The following TPTE2 variants were observed in gnomAD, a reference collection of about 807,000 sequenced individuals.
TPTE2 encodes transmembrane phosphoinositide 3-phosphatase and tensin homolog 2, also known as phosphatidylinositol 3,4,5-trisphosphate 3-phosphatase TPTE2.
Under a neutral mutation model 78.6 loss-of-function variants are expected in TPTE2, and 53 were observed. The ratio of observed to expected loss-of-function variants is 0.67; its 90% CI spans 0.54 to 0.85. The LOEUF is 0.85. TPTE2 is among the 40% of genes least tolerant of loss of function. The pLI is 0.00. For synonymous variants in TPTE2, 175 were observed against 206.2 expected, an observed-to-expected ratio of 0.85 and a Z score of 1.30; for missense variants, 461 against 623.0, an observed-to-expected ratio of 0.74 and a Z score of 2.77.
At chr13:19,528,697 G>T (rs1482170906) in intron 1 of TPTE2, among the ~76,000 whole-genome samples, 1 of 152,138 alleles carries the variant, frequency 6.6e-6, no homozygotes, top group Non-Finnish European at 1.5e-5. Context: ...CTGAATCATT[G>T]ATATGACTCC....
intron 1 of TPTE2, among the ~76,000 whole-genome samples, chr13:19,515,147 A>G (rs1869713900): frequency 6.6e-6 from 1 of 152,164 alleles, no homozygotes. Flanking sequence ...CCTCAAGGTA[A>G]TACACTCCCA....
rs1878322970 is a variant in TPTE2 at position 19,453,431 on chromosome 13, A to T, written c.742-2206T>A. ...AAAAACAGTCAATATTTGCTTTTTC[A>T]TGGGGAAACAAATATAACTGGACAG... On this transcript the variant is annotated intron_variant, in intron 10 of 19. Coordinates refer to ENST00000400230, the Ensembl canonical transcript of TPTE2. 2.6e-5 allele frequency among the ~76,000 whole-genome samples: 4 copies of T among 151,852 alleles called. 1 individual carries two copies. Among genetic ancestry groups the T allele is most frequent in the Non-Finnish European group, 5.9e-5 (4 of 68,010 alleles).
intron 1 of TPTE2, among the ~76,000 whole-genome samples, chr13:19,531,016 C>T (rs535654895): frequency 6.6e-6 from 1 of 152,262 alleles, no homozygotes; most frequent in Admixed American, 6.5e-5. Context: ...TCTATTCTCC[C>T]CTACCCCTAT....
At chr13:19,479,022 T>A (rs28556858) in intron 4 of TPTE2, among the ~76,000 whole-genome samples, 111,439 of 151,776 alleles carry the variant, frequency 0.73, 43,796 homozygotes, top group East Asian at 0.96. Context: ...GGTGGGGGGA[T>A]TGGGGAGGGA....
chr13:19,448,644 T>TA (rs1467293869), intron 13 of TPTE2, among the ~76,000 whole-genome samples: 1 of 145,286 alleles, frequency 6.9e-6, no homozygotes, highest in Non-Finnish European at 1.5e-5. Flanking sequence ...GGATGGTCAT[T>TA]AACAAAAAGA....
chr13:19,423,941 C>T (rs1178356975), intron 19 of TPTE2, among the ~76,000 whole-genome samples: 2 of 152,244 alleles, frequency 1.3e-5, no homozygotes, highest in African/African-American at 2.4e-5. Context: ...GAAGAAAAAG[C>T]TTATTGTTTG....
At chr13:19,533,921 C>T (rs1186178433) in intron 1 of TPTE2, among the ~76,000 whole-genome samples, 7 of 152,178 alleles carry the variant, frequency 4.6e-5, no homozygotes, top group Non-Finnish European at 8.8e-5. Context: ...AAGCTAACTG[C>T]GGTATTTATT....
Position 19,526,327 on chromosome 13 carries a change from A to C in TPTE2, c.-44+10269T>G, listed in dbSNP as rs148801178. 6.9e-3 allele frequency among the ~76,000 whole-genome samples: 1,051 copies of C among 152,288 alleles called. 11 individuals are homozygous for C. Among genetic ancestry groups the C allele is most frequent in the African/African-American group, 0.024 (1,003 of 41,542 alleles). ...GAACTGAATTTAAAAAATGTGGCAC[A>C]CATATACCATGGAATACTATGCAGC... On this transcript the variant is annotated intron_variant, in intron 1 of 17. Coordinates refer to the TPTE2 transcript ENST00000390680.
chr13:19,521,926 CAT>C (rs1243508188), intron 1 of TPTE2, among the ~76,000 whole-genome samples: 5 of 152,090 alleles, frequency 3.3e-5, no homozygotes, highest in African/African-American at 1.2e-4. Flanking sequence ...TTTATTTCCT[CAT>C]GTGGATTTGA....
At chr13:19,512,008 C>G (rs768142521) in intron 1 of TPTE2, among the ~76,000 whole-genome samples, 2 of 152,222 alleles carry the variant, frequency 1.3e-5, no homozygotes, top group East Asian at 1.9e-4. Context: ...GTATCTCCCC[C>G]CAAAGTGGAT....
At chr13:19,446,101 A>G (rs1877814876) in intron 13 of TPTE2, among the ~76,000 whole-genome samples, 4 of 152,368 alleles carry the variant, frequency 2.6e-5, no homozygotes, top group Middle Eastern at 6.8e-3. Flanking sequence ...ATATTATTAA[A>G]GAATGAACAA....
At chr13:19,480,087 T>C (rs1407806068) in intron 4 of TPTE2, among the ~76,000 whole-genome samples, 1 of 149,502 alleles carries the variant, frequency 6.7e-6, no homozygotes, top group Non-Finnish European at 1.5e-5. Flanking sequence ...TCATTTTTTA[T>C]CAATAGAAGG....
At chr13:19,561,474 C>A in the TPTE2 span, among the ~76,000 whole-genome samples, 1 of 152,160 alleles carries the variant, frequency 6.6e-6, no homozygotes, top group Admixed American at 6.5e-5. Flanking sequence ...TCCCCGCAAG[C>A]CCCGACGCCC....
chr13:19,534,215 A>G (rs893148969), intron 1 of TPTE2, among the ~76,000 whole-genome samples: 2 of 152,354 alleles, frequency 1.3e-5, no homozygotes, highest in East Asian at 1.9e-4. Flanking sequence ...TGAATAGCTC[A>G]TGTAATTTAC....
intron 16 of TPTE2, among the ~76,000 whole-genome samples, chr13:19,430,922 T>C (rs1478695100): frequency 2.6e-5 from 4 of 151,242 alleles, no homozygotes; most frequent in Non-Finnish European, 5.9e-5. Context: ...AGGTCAGGAG[T>C]TCTAAACCAG....
At chr13:19,447,032 T>C (rs531527650) in intron 13 of TPTE2, among the ~76,000 whole-genome samples, 1 of 152,214 alleles carries the variant, frequency 6.6e-6, no homozygotes, top group East Asian at 1.9e-4. Flanking sequence ...ATAATTACAA[T>C]ACTAAGAAAA....
At chr13:19,483,322 T>C (rs1880468504) in intron 3 of TPTE2, among the ~76,000 whole-genome samples, 1 of 152,240 alleles carries the variant, frequency 6.6e-6, no homozygotes, top group African/African-American at 2.4e-5. Flanking sequence ...TATTACTGAT[T>C]CAATCTCATT....
chr13:19,520,933 C>A (rs995802745), intron 1 of TPTE2, among the ~76,000 whole-genome samples: 2 of 151,970 alleles, frequency 1.3e-5, no homozygotes, highest in Non-Finnish European at 2.9e-5. Flanking sequence ...ATTCTAACCT[C>A]ATTTTATTGT....
At chr13:19,445,912 G>C (rs1877800947) in intron 13 of TPTE2, among the ~76,000 whole-genome samples, 1 of 152,180 alleles carries the variant, frequency 6.6e-6, no homozygotes, top group Admixed American at 6.5e-5. Flanking sequence ...CTGCACTCCA[G>C]CCTGGGTGAC....
Sources: gnomAD v4.1 joint callset for allele counts (sites outside exome capture counted in the v4.1 genomes callset) on GRCh38, gnomAD v4.1.1 for gene constraint, MANE v1.5 for transcripts, NCBI Gene and HGNC (gene_info 2026-07-23, HGNC 2026-07-21) for gene names.